Variants in PGBD5 observed in about 807,000 individuals in gnomAD.
PGBD5 encodes piggyBac transposable element derived 5.
Under a neutral mutation model 47.9 loss-of-function variants are expected in PGBD5, and 14 were observed. That is an observed-to-expected ratio of 0.29 (90% confidence interval 0.19 to 0.46). The LOEUF (loss-of-function observed/expected upper bound fraction) is 0.46, where lower values mean the gene tolerates loss of function less well. Ranked by LOEUF, PGBD5 falls within the 20% of genes least tolerant of loss-of-function variation. PGBD5 has a pLI of 1.00. For missense variants in PGBD5, 635 were observed against 716.0 expected, an observed-to-expected ratio of 0.89 and a Z score of 1.29; for synonymous variants, 316 against 306.3, an observed-to-expected ratio of 1.03 and a Z score of -0.33.
intron 1 of PGBD5, among the ~76,000 whole-genome samples, chr1:230,402,812 G>A (rs961550008): frequency 1.3e-5 from 2 of 152,178 alleles, no homozygotes; most frequent in African/African-American, 4.8e-5. Context: ...ATGTCTCAAT[G>A]ATTATATATT....
At chr1:230,360,514 T>C (rs1350501151) in intron 1 of PGBD5, among the ~76,000 whole-genome samples, 4 of 152,172 alleles carry the variant, frequency 2.6e-5, no homozygotes, top group Non-Finnish European at 4.4e-5. Context: ...GACTGTATCA[T>C]GGGGGCGGGT....
At chr1:230,369,938 C>T (rs1310532973) in intron 1 of PGBD5, among the ~76,000 whole-genome samples, 3 of 152,198 alleles carry the variant, frequency 2.0e-5, no homozygotes, top group Non-Finnish European at 4.4e-5. Flanking sequence ...GATGGAGACA[C>T]AGATATCACG....
rs1666936185 is a variant in PGBD5 at position 230,315,996 on chromosome 1, AAGTATATG to A, written c.*7421_*7428del. 1 of 134,500 alleles carries A rather than the reference AAGTATATG, an allele frequency of 7.4e-6. No homozygotes were observed. The highest frequency in any genetic ancestry group is 2.1e-4 in the East Asian group (1 of 4,726). The allele number at this position is 134,500 out of a possible 1,614,324, so 8.3% of individuals were successfully genotyped here. On this transcript the variant is annotated 3_prime_UTR_variant, in exon 7 of 7. Coordinates refer to ENST00000391860, the MANE Select transcript of PGBD5 (RefSeq NM_001258311.2). Reference sequence around the variant, plus strand: ...CATATATGTATGTGTATACATACATAAGTATATGTGTACACATATATGTATGTGTATAC... The same window carrying A: ...CATATATGTATGTGTATACATACATATGTACACATATATGTATGTGTATAC...
intron 1 of PGBD5, among the ~76,000 whole-genome samples, chr1:230,420,354 A>C (rs1657619775): frequency 6.6e-6 from 1 of 152,238 alleles, no homozygotes; most frequent in Admixed American, 6.5e-5. Flanking sequence ...ATGTAATGTA[A>C]GATACATGAA....
intron 1 of PGBD5, among the ~76,000 whole-genome samples, chr1:230,389,417 C>A (rs1267339389): frequency 1.3e-5 from 2 of 152,218 alleles, no homozygotes; most frequent in Non-Finnish European, 2.9e-5. Context: ...AGGTGATCCA[C>A]CCGCCTCAGC....
intron 1 of PGBD5, among the ~76,000 whole-genome samples, chr1:230,414,067 C>T (rs1657466512): frequency 6.6e-6 from 1 of 152,164 alleles, no homozygotes; most frequent in African/African-American, 2.4e-5. Context: ...GTGCATGTGA[C>T]TTAGGTTAGT....
At chr1:230,341,318 G>T (rs1378718220) in intron 3 of PGBD5, among the ~76,000 whole-genome samples, 1 of 152,156 alleles carries the variant, frequency 6.6e-6, no homozygotes, top group Admixed American at 6.5e-5. Flanking sequence ...AGGCAGGTCC[G>T]GTACCTGACT....
intron 1 of PGBD5, among the ~76,000 whole-genome samples, chr1:230,416,958 G>A (rs546537470): frequency 2.6e-5 from 4 of 152,334 alleles, no homozygotes; most frequent in African/African-American, 9.6e-5. Context: ...GGGTGATGCT[G>A]TCTTGGCTAC....
intron 1 of PGBD5, among the ~76,000 whole-genome samples, chr1:230,406,201 G>A (rs1413910492): frequency 6.6e-6 from 1 of 151,704 alleles, no homozygotes; most frequent in Non-Finnish European, 1.5e-5. Context: ...CCAGCTACTC[G>A]GGAGGCTGAG....
intron 1 of PGBD5, among the ~76,000 whole-genome samples, chr1:230,419,228 T>TA (rs956598064): frequency 2.6e-5 from 3 of 115,702 alleles, no homozygotes; most frequent in Non-Finnish European, 5.2e-5. Flanking sequence ...CACGCAGTTA[T>TA]AAAAAAGAAG....
chr1:230,386,706 G>A (rs1357821002), intron 1 of PGBD5, among the ~76,000 whole-genome samples: 1 of 152,152 alleles, frequency 6.6e-6, no homozygotes, highest in Non-Finnish European at 1.5e-5. Context: ...TAGGTCCTTT[G>A]TTGGTTTTGC....
At chr1:230,392,762 G>C (rs986580404) in intron 1 of PGBD5, among the ~76,000 whole-genome samples, 1 of 152,174 alleles carries the variant, frequency 6.6e-6, no homozygotes, top group Non-Finnish European at 1.5e-5. Flanking sequence ...GGAGATACAA[G>C]CCCCACAGTG....
chr1:230,412,804 A>G (rs1657440857), intron 1 of PGBD5, among the ~76,000 whole-genome samples: 1 of 152,162 alleles, frequency 6.6e-6, no homozygotes, highest in Non-Finnish European at 1.5e-5. Flanking sequence ...TCTGTGTATA[A>G]GTGGACCCAC....
At chr1:230,388,987 CCCA>C (rs1182711578) in intron 1 of PGBD5, among the ~76,000 whole-genome samples, 2 of 152,172 alleles carry the variant, frequency 1.3e-5, no homozygotes, top group African/African-American at 4.8e-5. Flanking sequence ...CTCTCCTATG[CCCA>C]CCACCAGCCC....
Position 230,337,257 on chromosome 1 carries a change from G to A in PGBD5, c.926C>T (p.Pro309Leu), listed in dbSNP as rs539255920. Residue 309 changes from proline to leucine, a missense_variant, in exon 4 of 7, where the codon CCA becomes CTA. Pro to Leu is a moderately conservative substitution (Grantham distance 98). Coordinates refer to ENST00000391860, the MANE Select transcript of PGBD5 (RefSeq NM_001258311.2). ...IYVHLKEGGG[P>L]DGLDALKNKP... ...ATTCTTCAGCGCATCCAGGCCATCT[G>A]GGCCCCCACCTTCCTTCAGGTGGAC... The A allele has an allele frequency of 2.5e-6, 4 of 1,613,438 alleles. No individual in the cohort carries two copies. Among genetic ancestry groups the A allele is most frequent in the Non-Finnish European group, 1.7e-6 (2 of 1,179,892 alleles).
chr1:230,351,117 C>T (rs1667555022), intron 2 of PGBD5, 25 bp from the exon 3 acceptor site: 2 of 1,603,348 alleles, frequency 1.2e-6, no homozygotes, highest in Non-Finnish European at 1.7e-6. Flanking sequence ...AAAGCAGAGG[C>T]TCTCACGGAA....
chr1:230,362,593 A>G (rs1190427022), intron 1 of PGBD5, among the ~76,000 whole-genome samples: 1 of 152,142 alleles, frequency 6.6e-6, no homozygotes, highest in Admixed American at 6.5e-5. Context: ...GGTTTAGCAC[A>G]GTTCACAGCT....
intron 4 of PGBD5, 138 bp from the exon 5 acceptor site, chr1:230,333,179 A>G (rs1310844086): frequency 7.2e-6 from 6 of 836,964 alleles, no homozygotes; most frequent in Non-Finnish European, 1.8e-6. Context: ...CCCTCTAGAG[A>G]CCCCTCTAGA....
At position 230,317,852 on chromosome 1, in the gene PGBD5, G is replaced by C. The variant is rs1666973896; in HGVS notation, c.*5573C>G. 6.6e-6 allele frequency: 1 copy of C among 152,228 alleles called. No homozygotes were observed. The highest frequency in any genetic ancestry group is 1.5e-5 in the Non-Finnish European group (1 of 68,070). 9.4% of individuals were successfully genotyped at this position (152,228 alleles called of 1,614,324 possible). ...AACTAAGGAAAAAACCTGAAGAATA[G>C]TATCTGCTTGTAGAGTAGCTAGTGA... is the stretch of plus-strand genomic sequence containing the variant. On this transcript the variant is annotated 3_prime_UTR_variant, in exon 7 of 7. Coordinates refer to ENST00000391860, the MANE Select transcript of PGBD5 (RefSeq NM_001258311.2).
Sources: allele counts gnomAD v4.1 joint callset (sites outside exome capture counted in the v4.1 genomes callset), GRCh38; gene constraint gnomAD v4.1.1; transcripts MANE v1.5; gene names NCBI Gene and HGNC (gene_info 2026-07-23, HGNC 2026-07-21).